ZCCHC7: variants seen among roughly 807,000 people sequenced by gnomAD.
The protein encoded by ZCCHC7 is zinc finger CCHC-type containing 7.
Under a neutral mutation model 52.0 loss-of-function variants are expected in ZCCHC7, and 35 were observed. The ratio of observed to expected loss-of-function variants is 0.67; its 90% confidence interval spans 0.51 to 0.89. The LOEUF is 0.89. Ranked by LOEUF, ZCCHC7 falls within the 40% of genes least tolerant of loss-of-function variation. The pLI, the probability that ZCCHC7 is intolerant of heterozygous loss-of-function variation, is 0.00. For synonymous variants in ZCCHC7, 217 were observed against 221.5 expected, an observed-to-expected ratio of 0.98 and a Z score of 0.18; for missense variants, 574 against 649.1, an observed-to-expected ratio of 0.88 and a Z score of 1.26.
chr9:37,181,303 A>C (rs1341888293), intron 2 of ZCCHC7, among the ~76,000 whole-genome samples: 2 of 152,174 alleles, frequency 1.3e-5, no homozygotes, highest in African/African-American at 4.8e-5. Context: ...CCTTTACCTA[A>C]GGAAGAAGGT....
At chr9:37,349,565 A>G (rs1413988897) in intron 7 of ZCCHC7, 113 bp downstream of exon 7, 3 of 1,015,050 alleles carry the variant, frequency 3.0e-6, no homozygotes, top group Non-Finnish European at 4.4e-6. Flanking sequence ...TAAACATTAA[A>G]GTAAGACTTA....
In ZCCHC7 at chr9:37,305,408, A is replaced by G. The variant is rs534483333; in HGVS notation, c.781-136A>G. The G allele has an allele frequency of 9.4e-6, 10 of 1,063,256 alleles. No homozygotes were observed. The East Asian group carries it at 2.5e-4, about 27-fold the overall frequency. The allele number at this position is 1,063,256 out of a possible 1,614,324, so 65.9% of individuals were successfully genotyped here. ...GTTTTGGACATTTTGTTTGATTTTTACAGTTGTGCTCAGGATTCTACCTTT... is the reference window on the plus strand; with the variant it reads ...GTTTTGGACATTTTGTTTGATTTTTGCAGTTGTGCTCAGGATTCTACCTTT... On this transcript the variant is annotated intron_variant, in intron 4 of 8. Transcript: ENST00000336755.
intron 2 of ZCCHC7, among the ~76,000 whole-genome samples, chr9:37,199,508 A>G (rs1588468232): frequency 1.4e-5 from 2 of 145,094 alleles, no homozygotes; most frequent in East Asian, 4.1e-4. Context: ...ATTTTTTGTA[A>G]TTTTACTAGA....
At chr9:37,201,513 T>C (rs1185357621) in intron 2 of ZCCHC7, among the ~76,000 whole-genome samples, 1 of 152,204 alleles carries the variant, frequency 6.6e-6, no homozygotes, top group African/African-American at 2.4e-5. Context: ...TAATAATATA[T>C]TTTAAAGGTT....
intron 2 of ZCCHC7, among the ~76,000 whole-genome samples, chr9:37,157,590 A>G (rs759870748): frequency 1.3e-5 from 2 of 152,228 alleles, no homozygotes; most frequent in Non-Finnish European, 2.9e-5. Flanking sequence ...CTCATAATAC[A>G]TATTTGTAGC....
At chr9:37,151,666 G>A (rs1210386564) in intron 2 of ZCCHC7, among the ~76,000 whole-genome samples, 1 of 152,062 alleles carries the variant, frequency 6.6e-6, no homozygotes, top group South Asian at 2.1e-4. Context: ...TTAGCCTGAC[G>A]TGGTGGTGCA....
intron 2 of ZCCHC7, among the ~76,000 whole-genome samples, chr9:37,274,331 C>CTT (rs10653910): frequency 0.025 from 1,951 of 76,700 alleles, 332 homozygotes; most frequent in African/African-American, 0.099. Context: ...TATCTAATTT[C>CTT]TTTTTTTTTT....
In ZCCHC7 at chr9:37,354,739, G is replaced by A. The variant is rs775388701; in HGVS notation, c.1113G>A (p.Pro371=). 5.6e-6 allele frequency: 9 copies of A among 1,612,534 alleles called. No individual in the cohort carries two copies. The highest frequency in any genetic ancestry group is 1.7e-5 in the Admixed American group (1 of 59,992). ...HECPEREVYD[P]SPVSPFICYY... ...GTCCAGAAAGAGAAGTGTATGACCC[G>A]TCTCCAGTATCTCCATTCATCTGCT... The change falls in exon 8 of 9, where the codon CCG becomes CCA. Residue 371 remains proline (P), a synonymous_variant. Transcript: ENST00000336755. This position sits in a 1 kb window ranked among gnomAD's most constrained non-coding sequence, Gnocchi z 4.0.
chr9:37,340,134 T>TA (rs1455963667), intron 6 of ZCCHC7, among the ~76,000 whole-genome samples: 2 of 152,154 alleles, frequency 1.3e-5, no homozygotes, highest in Non-Finnish European at 2.9e-5. Flanking sequence ...AAGGGTTATG[T>TA]AAAATGACAT....
chr9:37,269,255 G>A (rs1827269195), intron 2 of ZCCHC7, among the ~76,000 whole-genome samples: 1 of 152,150 alleles, frequency 6.6e-6, no homozygotes, highest in Non-Finnish European at 1.5e-5. Flanking sequence ...TAGAGCAGTT[G>A]CTAATGAAGT....
At chr9:37,208,073 A>AT (rs1278694195) in intron 2 of ZCCHC7, among the ~76,000 whole-genome samples, 1 of 151,862 alleles carries the variant, frequency 6.6e-6, no homozygotes, top group Non-Finnish European at 1.5e-5. Flanking sequence ...TCTCCAGTGT[A>AT]TTTTTTGTTA....
At chr9:37,264,063 C>A (rs555230) in intron 2 of ZCCHC7, among the ~76,000 whole-genome samples, 85,923 of 151,940 alleles carry the variant, frequency 0.57, 24,967 homozygotes, top group African/African-American at 0.7. Context: ...TAAACTAATA[C>A]TATCTCTTTG....
intron 2 of ZCCHC7, among the ~76,000 whole-genome samples, chr9:37,133,674 C>T (rs1022481510): frequency 5.3e-5 from 8 of 152,098 alleles, no homozygotes; most frequent in African/African-American, 1.4e-4. Flanking sequence ...CTGCAACCTC[C>T]GCCTCCCAGG....
chr9:37,309,892 A>C (rs759887717), intron 5 of ZCCHC7, among the ~76,000 whole-genome samples: 1 of 151,738 alleles, frequency 6.6e-6, no homozygotes, highest in Non-Finnish European at 1.5e-5. Context: ...ACTGAACTCC[A>C]GCCTGGGCAA....
rs869292704 is a variant in ZCCHC7, at chr9:37,306,762, CTTTTTTTTTTTTTTTTTTTTTTTTTT to C, written c.951+1065_951+1090del. On this transcript the variant is annotated intron_variant, in intron 5 of 8. Coordinates refer to ENST00000336755, the MANE Select transcript of ZCCHC7 (RefSeq NM_032226.3). ...ACAGGCATGAGCCACTGTACCCGAC[CTTTTTTTTTTTTTTTTTTTTTTTTTT>C]TTTTTTTTTTTTTTTTGGAGACAGG... 1.3e-3 allele frequency among the ~76,000 whole-genome samples: 66 copies of C among 52,036 alleles called. 1 individual carries two copies. Among genetic ancestry groups the C allele is most frequent in the South Asian group, 4.0e-3 (5 of 1,246 alleles). 34.1% of individuals were successfully genotyped at this position (52,036 alleles called of 152,430 possible).
At chr9:37,190,689 C>G (rs528183025) in intron 2 of ZCCHC7, among the ~76,000 whole-genome samples, 80 of 152,218 alleles carry the variant, frequency 5.3e-4, no homozygotes, top group African/African-American at 1.9e-3. Flanking sequence ...TGGGTTTCCC[C>G]ATATTCTTTG....
At chr9:37,239,561 C>T (rs907774848) in intron 2 of ZCCHC7, among the ~76,000 whole-genome samples, 2 of 152,114 alleles carry the variant, frequency 1.3e-5, no homozygotes, top group Non-Finnish European at 2.9e-5. Context: ...CCTTAGAAAA[C>T]AGCAGGTATA....
rs375059901 is a variant in ZCCHC7 at position 37,269,490 on chromosome 9, G to A, written c.611-32698G>A. Among the ~76,000 whole-genome samples the A allele has an allele frequency of 6.0e-5, 9 of 151,106 alleles. No individual in the cohort carries two copies. In the East Asian group the frequency reaches 9.7e-4, roughly 16 times the overall value. On this transcript the variant is annotated intron_variant, in intron 2 of 8. Coordinates refer to ENST00000336755, the MANE Select transcript of ZCCHC7 (RefSeq NM_032226.3). The stretch of plus-strand genomic sequence containing the variant: ...AAAAATTAACTGAGTGTTGCAGTGC[G>A]TGCCTATAGTCCCAGCTACCAGGGA...
At chr9:37,247,370 GAA>G (rs1826124526) in intron 2 of ZCCHC7, among the ~76,000 whole-genome samples, 1 of 152,106 alleles carries the variant, frequency 6.6e-6, no homozygotes, top group Non-Finnish European at 1.5e-5. Context: ...GGTAGAGAGA[GAA>G]ATGAGCAAAA....
Sources: allele counts gnomAD v4.1 joint callset (sites outside exome capture counted in the v4.1 genomes callset), GRCh38; gene constraint gnomAD v4.1.1; non-coding constraint Gnocchi (gnomAD v3.1); transcripts MANE v1.5; gene names NCBI Gene and HGNC (gene_info 2026-07-23, HGNC 2026-07-21).